The following CDH10 variants were observed in gnomAD, a reference collection of about 807,000 sequenced individuals.
CDH10 encodes the protein cadherin 10, also known as cadherin-10.
A neutral mutation model predicts 73.1 loss-of-function variants in CDH10; 30 were observed. The ratio of observed to expected loss-of-function variants is 0.41; its 90% confidence interval spans 0.31 to 0.56. The LOEUF (loss-of-function observed/expected upper bound fraction) is 0.56. Among genes scored for constraint, CDH10 ranks in the 20% least tolerant of loss-of-function variants. The pLI is 0.27. For synonymous variants in CDH10, 345 were observed against 348.2 expected, an observed-to-expected ratio of 0.99 and a Z score of 0.10; for missense variants, 815 against 973.7, an observed-to-expected ratio of 0.84 and a Z score of 2.17.
chr5:24,492,490 A>T (rs1029460815), intron 10 of CDH10, among the ~76,000 whole-genome samples: 1 of 152,178 alleles, frequency 6.6e-6, no homozygotes, highest in Admixed American at 6.5e-5. Flanking sequence ...AGTCTGCTTA[A>T]GAGTCTCACT....
At chr5:24,608,440 G>A (rs538907594) in intron 1 of CDH10, among the ~76,000 whole-genome samples, 13 of 151,878 alleles carry the variant, frequency 8.6e-5, no homozygotes, top group African/African-American at 1.7e-4. Context: ...CTAGAGGTGC[G>A]CACCACCACG....
At chr5:24,559,176 G>A (rs1480150125) in intron 2 of CDH10, among the ~76,000 whole-genome samples, 1 of 151,790 alleles carries the variant, frequency 6.6e-6, no homozygotes, top group Non-Finnish European at 1.5e-5. Context: ...ATTTTTGTTT[G>A]TTTATTATAA....
In CDH10 at chr5:24,611,254, A is replaced by G. The variant is rs115097863; in HGVS notation, c.-123-17641T>C. Among the ~76,000 whole-genome samples the G allele has an allele frequency of 8.9e-3, 1,362 of 152,204 alleles. 18 individuals carry two copies. The highest frequency in any genetic ancestry group is 0.031 in the African/African-American group (1,269 of 41,524). ...CAATGCTGATGAATTAAGTAATGTG[A>G]TTAACATAATATAGCTTGTAACTGG... On this transcript the variant is annotated intron_variant, in intron 1 of 11. Transcript: ENST00000264463.
chr5:24,507,419 T>C (rs1289710596), intron 7 of CDH10, among the ~76,000 whole-genome samples: 1 of 151,242 alleles, frequency 6.6e-6, no homozygotes, highest in African/African-American at 2.4e-5. Flanking sequence ...TATAATAATA[T>C]ACACAAGATG....
intron 1 of CDH10, among the ~76,000 whole-genome samples, chr5:24,618,434 T>A (rs1283255958): frequency 6.6e-6 from 1 of 152,024 alleles, no homozygotes; most frequent in Non-Finnish European, 1.5e-5. Flanking sequence ...AATATTACTC[T>A]TAAAACTCAT....
Position 24,583,020 on chromosome 5 carries a change from CTG to C in CDH10, c.231+10238_231+10239del, listed in dbSNP as rs1397884371. Among the ~76,000 whole-genome samples, 3 of 152,070 alleles carry C rather than the reference CTG, an allele frequency of 2.0e-5. No individual in the cohort carries two copies. The East Asian group carries it at 5.8e-4, about 29-fold the overall frequency. ...AGTCATATTTCCTAAAGATATAACTCTGTGTCAAATAGCACCTGTCATATTGC... is the reference window on the plus strand; with the variant it reads ...AGTCATATTTCCTAAAGATATAACTCTGTCAAATAGCACCTGTCATATTGC... On this transcript the variant is annotated intron_variant, in intron 2 of 11. Transcript: ENST00000264463.
chr5:24,573,946 G>C (rs1395520766), intron 2 of CDH10, among the ~76,000 whole-genome samples: 1 of 150,338 alleles, frequency 6.7e-6, no homozygotes, highest in African/African-American at 2.4e-5. Flanking sequence ...GTGCAGTGGC[G>C]CGATCTCCGC....
At chr5:24,522,473 TC>T (rs1304767264) in intron 5 of CDH10, among the ~76,000 whole-genome samples, 1 of 148,920 alleles carries the variant, frequency 6.7e-6, no homozygotes, top group African/African-American at 2.5e-5. Context: ...AAAGTTCAAA[TC>T]CAAAGCAAGA....
intron 5 of CDH10, among the ~76,000 whole-genome samples, chr5:24,522,426 G>C (rs1175908968): frequency 6.6e-6 from 1 of 151,948 alleles, no homozygotes; most frequent in Non-Finnish European, 1.5e-5. Flanking sequence ...AGGAACATAA[G>C]GGACTAAATC....
chr5:24,573,355 C>G (rs1167302611), intron 2 of CDH10, among the ~76,000 whole-genome samples: 1 of 151,736 alleles, frequency 6.6e-6, no homozygotes, highest in African/African-American at 2.4e-5. Context: ...AAAAATGAAG[C>G]AATGAAGGGA....
chr5:24,547,469 CAAGG>C (rs1222579063), intron 2 of CDH10, among the ~76,000 whole-genome samples: 1 of 151,692 alleles, frequency 6.6e-6, no homozygotes, highest in Non-Finnish European at 1.5e-5. Context: ...TGTAACTGGC[CAAGG>C]AAAGGGCACT....
chr5:24,518,884 CT>C (rs36019861), intron 5 of CDH10, among the ~76,000 whole-genome samples: 24,049 of 76,604 alleles, frequency 0.31, 1,820 homozygotes, highest in Middle Eastern at 0.47. Flanking sequence ...GACATGTGCA[CT>C]TTTTTTTTTT....
chr5:24,603,957 T>G (rs561782696), intron 1 of CDH10, among the ~76,000 whole-genome samples: 1 of 152,318 alleles, frequency 6.6e-6, no homozygotes, highest in African/African-American at 2.4e-5. Context: ...GCTACCAATC[T>G]AATCAATGAG....
chr5:24,602,318 G>C (rs934441365), intron 1 of CDH10, among the ~76,000 whole-genome samples: 1 of 152,076 alleles, frequency 6.6e-6, no homozygotes, highest in Non-Finnish European at 1.5e-5. Flanking sequence ...AGTATTTAGT[G>C]GGCTAAGATC....
intron 11 of CDH10, among the ~76,000 whole-genome samples, chr5:24,489,272 C>T (rs1377774646): frequency 6.6e-6 from 1 of 151,970 alleles, no homozygotes; most frequent in Non-Finnish European, 1.5e-5. Flanking sequence ...GTTATGTTTT[C>T]TTTTTTATTA....
rs749926774 is a variant in CDH10, at chr5:24,491,769, G to C, written c.1683C>G (p.Thr561=). ...CTGATATCACCACAGGCAAGAGATA[G>C]GTACTGATTTCATGTCTATTGAATC... The part of the protein sequence containing the change: ...KNGFNRHEIS[T]YLLPVVISDN... The change falls in exon 11 of 12, where the codon ACC becomes ACG. Residue 561 remains threonine, a synonymous_variant. Transcript: ENST00000264463. The C allele has an allele frequency of 1.9e-6, 3 of 1,608,220 alleles. No individual in the cohort carries two copies. The South Asian group carries it at 3.3e-5, about 18-fold the overall frequency.
At chr5:24,540,211 G>A (rs2111908004) in intron 2 of CDH10, among the ~76,000 whole-genome samples, 1 of 151,982 alleles carries the variant, frequency 6.6e-6, no homozygotes, top group Non-Finnish European at 1.5e-5. Context: ...ATCAAAGAAG[G>A]AGTAGAGGTT....
At chr5:24,504,531 T>G (rs1269191303) in intron 8 of CDH10, among the ~76,000 whole-genome samples, 5 of 126,136 alleles carry the variant, frequency 4.0e-5, no homozygotes, top group South Asian at 2.8e-4. Flanking sequence ...TTTTTTTTTT[T>G]TTTTTTTTTT....
chr5:24,552,641 A>G (rs1744589167), intron 2 of CDH10, among the ~76,000 whole-genome samples: 1 of 152,124 alleles, frequency 6.6e-6, no homozygotes, highest in South Asian at 2.1e-4. Context: ...TATAATACAT[A>G]GAACTGATAT....
Sources: gnomAD v4.1 joint callset for allele counts (sites outside exome capture counted in the v4.1 genomes callset) on GRCh38, gnomAD v4.1.1 for gene constraint, MANE v1.5 for transcripts, NCBI Gene and HGNC (gene_info 2026-07-23, HGNC 2026-07-21) for gene names.